Variants in PCDH15 observed in about 807,000 individuals in gnomAD.
PCDH15 encodes protocadherin-15.
A neutral mutation model predicts 178.5 loss-of-function variants in PCDH15; 129 were observed. The observed-to-expected ratio is 0.72, with a 90% CI of 0.63 to 0.84. The LOEUF (loss-of-function observed/expected upper bound fraction) is 0.84, where lower values mean the gene tolerates loss of function less well. PCDH15 is among the 40% of genes least tolerant of loss of function. PCDH15 has a pLI of 0.00. For missense variants in PCDH15, 2,230 were observed against 2,099.9 expected, an observed-to-expected ratio of 1.06 and a Z score of -1.21; for synonymous variants, 800 against 732.0, an observed-to-expected ratio of 1.09 and a Z score of -1.50.
Position 54,073,438 on chromosome 10 carries a change from G to A in PCDH15, c.2091+5893C>T, listed in dbSNP as rs542544720. ...ACTTTAACTTCACACATTTTCTCAC[G>A]CATGTATTTTTGCTTTTGTTAAAGT... On this transcript the variant is annotated intron_variant, in intron 17 of 37. Transcript: ENST00000644397. Among the ~76,000 whole-genome samples the A allele has an allele frequency of 8.6e-4, 130 of 151,970 alleles. 1 individual carries two copies. Among genetic ancestry groups the A allele is most frequent in the African/African-American group, 3.0e-3 (124 of 41,478 alleles).
At chr10:54,879,187 T>TGC (rs1467012273) in intron 3 of PCDH15, among the ~76,000 whole-genome samples, 2 of 151,352 alleles carry the variant, frequency 1.3e-5, no homozygotes, top group Non-Finnish European at 2.9e-5. Context: ...GCTGTTTGTG[T>TGC]GTGTGTGTGT....
intron 7 of PCDH15, among the ~76,000 whole-genome samples, chr10:54,318,598 T>C (rs994795411): frequency 3.9e-5 from 6 of 152,202 alleles, no homozygotes; most frequent in African/African-American, 9.6e-5. Flanking sequence ...GATACCAGTT[T>C]GCATTTAGTC....
intron 3 of PCDH15, among the ~76,000 whole-genome samples, chr10:54,436,026 GGAGAGGAGAGAGAGAGA>G (rs1284975794): frequency 9.3e-6 from 1 of 107,352 alleles, no homozygotes; most frequent in African/African-American, 4.5e-5. Flanking sequence ...GGAGAGGAGA[GGAGAGGAGAGAGAGAGA>G]GAGAGAGAAA....
intron 2 of PCDH15, among the ~76,000 whole-genome samples, chr10:54,987,550 T>C (rs1839402612): frequency 6.6e-6 from 1 of 152,208 alleles, no homozygotes; most frequent in African/African-American, 2.4e-5. Context: ...TTTTTAGTGA[T>C]TGCTATTCTG....
In PCDH15 at chr10:53,828,552, T is replaced by C; in HGVS notation, c.4211+13A>G. On this transcript the variant is annotated intron_variant, in intron 31 of 37. Coordinates refer to ENST00000644397, the MANE Select transcript of PCDH15 (RefSeq NM_001384140.1). ...TACATGAAAAGGATGTGTAAAATGT[T>C]AATTATACTTACACTTTAAACCTGT... The C allele has an allele frequency of 6.4e-7, 1 of 1,550,502 alleles. No homozygotes were observed. The highest frequency in any genetic ancestry group is 8.9e-7 in the Non-Finnish European group (1 of 1,122,762).
intron 1 of PCDH15, among the ~76,000 whole-genome samples, chr10:54,740,605 C>G (rs987015511): frequency 3.3e-5 from 5 of 151,606 alleles, no homozygotes; most frequent in African/African-American, 1.2e-4. Flanking sequence ...TCACAACAGC[C>G]AAGACATGAC....
At chr10:55,113,895 T>C (rs1381332629) in intron 2 of PCDH15, among the ~76,000 whole-genome samples, 2 of 152,150 alleles carry the variant, frequency 1.3e-5, no homozygotes, top group African/African-American at 4.8e-5. Context: ...TTTCCCTTTT[T>C]AACTCCCTCA....
At chr10:55,598,529 T>TAGATAG (rs1842985741) in intron 2 of PCDH15, among the ~76,000 whole-genome samples, 4 of 30,714 alleles carry the variant, frequency 1.3e-4, no homozygotes, top group African/African-American at 9.4e-4. Context: ...TATATATATA[T>TAGATAG]ATATATATAT....
chr10:55,004,948 A>G (rs554542989), intron 2 of PCDH15, among the ~76,000 whole-genome samples: 3 of 152,294 alleles, frequency 2.0e-5, no homozygotes, highest in Non-Finnish European at 2.9e-5. Context: ...AAATTTGTAT[A>G]GCCCCTCACA....
chr10:54,520,153 G>T (rs1324781477), intron 3 of PCDH15, among the ~76,000 whole-genome samples: 1 of 152,134 alleles, frequency 6.6e-6, no homozygotes, highest in Non-Finnish European at 1.5e-5. Flanking sequence ...ATAGTCATGG[G>T]CAAGGACTTT....
rs181231968 is a variant in PCDH15 at position 54,754,325 on chromosome 10, C to T, written c.-29+46600G>A. 1.4e-3 allele frequency among the ~76,000 whole-genome samples: 211 copies of T among 152,202 alleles called. 1 individual carries two copies. The highest frequency in any genetic ancestry group is 4.9e-3 in the African/African-American group (204 of 41,532). On this transcript the variant is annotated intron_variant, in intron 1 of 37. Transcript: ENST00000644397. ...ACATTGAGCCAAGGATGAATTGGTG[C>T]TATTCCTGGTCAATTCTCTTTGGCA...
intron 2 of PCDH15, among the ~76,000 whole-genome samples, chr10:55,368,349 A>G (rs893864548): frequency 1.3e-5 from 2 of 152,158 alleles, no homozygotes; most frequent in African/African-American, 2.4e-5. Context: ...CTACAAATAT[A>G]CACACAGCCT....
At chr10:54,525,017 A>T (rs1308821230) in intron 3 of PCDH15, among the ~76,000 whole-genome samples, 1 of 152,198 alleles carries the variant, frequency 6.6e-6, no homozygotes, top group Non-Finnish European at 1.5e-5. Context: ...CATATGTATA[A>T]ATGCACTTGA....
intron 5 of PCDH15, among the ~76,000 whole-genome samples, chr10:54,351,540 CTG>C (rs1414300088): frequency 1.3e-5 from 2 of 152,052 alleles, no homozygotes; most frequent in Non-Finnish European, 2.9e-5. Context: ...GCAGATGAGA[CTG>C]AAACTTTTCA....
chr10:53,965,338 G>A (rs907530762), intron 21 of PCDH15, among the ~76,000 whole-genome samples: 3 of 152,130 alleles, frequency 2.0e-5, no homozygotes, highest in Non-Finnish European at 2.9e-5. Flanking sequence ...GATTACAGGC[G>A]TAAGCCACCG....
intron 1 of PCDH15, among the ~76,000 whole-genome samples, chr10:54,748,902 G>A (rs556022787): frequency 1.3e-3 from 200 of 152,240 alleles, no homozygotes; most frequent in African/African-American, 4.7e-3. Context: ...CCCTGGCAGT[G>A]GATTTGTTTG....
intron 2 of PCDH15, among the ~76,000 whole-genome samples, chr10:55,059,922 A>G (rs1841389003): frequency 6.6e-6 from 1 of 152,060 alleles, no homozygotes; most frequent in Non-Finnish European, 1.5e-5. Flanking sequence ...ATAATATCAT[A>G]AAACTGAGGC....
chr10:53,871,309 C>T (rs1158672810), intron 26 of PCDH15, among the ~76,000 whole-genome samples: 1 of 152,084 alleles, frequency 6.6e-6, no homozygotes, highest in Non-Finnish European at 1.5e-5. Flanking sequence ...CCACAGCACT[C>T]CAGCCTGGGT....
intron 2 of PCDH15, among the ~76,000 whole-genome samples, chr10:55,107,825 A>C (rs1357367485): frequency 6.6e-6 from 1 of 151,920 alleles, no homozygotes; most frequent in Non-Finnish European, 1.5e-5. Flanking sequence ...TAATGATGTA[A>C]AAGAATCAAT....
Sources: allele counts gnomAD v4.1 joint callset (sites outside exome capture counted in the v4.1 genomes callset), GRCh38; gene constraint gnomAD v4.1.1; transcripts MANE v1.5; gene names NCBI Gene and HGNC (gene_info 2026-07-23, HGNC 2026-07-21).